NID1: variants seen among roughly 807,000 people sequenced by gnomAD.
NID1 encodes nidogen-1.
In NID1, 76 loss-of-function variants were observed where a neutral mutation model predicts 130.6. That is an observed-to-expected ratio of 0.58 (90% CI 0.48 to 0.70). The LOEUF is 0.70. Among genes scored for constraint, NID1 ranks in the 30% least tolerant of loss-of-function variants. NID1 has a pLI of 0.00. For missense variants in NID1, 1,517 were observed against 1,664.8 expected, an observed-to-expected ratio of 0.91 and a Z score of 1.54; for synonymous variants, 665 against 675.1, an observed-to-expected ratio of 0.98 and a Z score of 0.23.
intron 12 of NID1, 57 bp downstream of exon 12, chr1:236,011,864 C>T: frequency 6.2e-7 from 1 of 1,602,430 alleles, no homozygotes; most frequent in Non-Finnish European, 8.5e-7. Context: ...GGGCCATGTG[C>T]TCTGCATTCA....
intron 1 of NID1, among the ~76,000 whole-genome samples, chr1:236,059,215 G>A (rs1024383879): frequency 6.6e-6 from 1 of 152,192 alleles, no homozygotes; most frequent in Non-Finnish European, 1.5e-5. Flanking sequence ...GACACTGGGG[G>A]CAAAAGTCAT....
At chr1:236,000,606 A>G (rs1182055003) in intron 12 of NID1, among the ~76,000 whole-genome samples, 2 of 152,200 alleles carry the variant, frequency 1.3e-5, no homozygotes, top group East Asian at 1.9e-4. Context: ...TGGGCATACG[A>G]CATCAGGACC....
chr1:235,992,657 C>T (rs962043704), intron 13 of NID1, among the ~76,000 whole-genome samples: 1 of 152,210 alleles, frequency 6.6e-6, no homozygotes, highest in African/African-American at 2.4e-5. Flanking sequence ...GTCCTTTCCG[C>T]TTCTTGGGGG....
intron 17 of NID1, 57 bp downstream of exon 17, chr1:235,980,439 C>G: frequency 6.3e-7 from 1 of 1,580,786 alleles, no homozygotes; most frequent in Non-Finnish European, 8.6e-7. Flanking sequence ...CCTAGTTTGC[C>G]CACCCCTGAC....
intron 14 of NID1, among the ~76,000 whole-genome samples, chr1:235,989,408 A>G (rs756676417): frequency 6.6e-6 from 1 of 152,216 alleles, no homozygotes; most frequent in African/African-American, 2.4e-5. Flanking sequence ...GACACAGATG[A>G]TCTTCAAGGT....
intron 14 of NID1, among the ~76,000 whole-genome samples, chr1:235,985,710 A>G (rs1315147065): frequency 6.6e-6 from 1 of 151,760 alleles, no homozygotes; most frequent in African/African-American, 2.4e-5. Context: ...ATGCACATCT[A>G]TATGTATAGG....
At chr1:235,981,570 G>A (rs1657436888) in intron 16 of NID1, 41 bp downstream of exon 16, 1 of 1,573,626 alleles carries the variant, frequency 6.4e-7, no homozygotes, top group South Asian at 1.2e-5. Context: ...AAGGGCAGAT[G>A]CAAATCAAAG....
intron 5 of NID1, 21 bp downstream of exon 5, chr1:236,038,083 G>A (rs529928373): frequency 5.0e-5 from 79 of 1,584,472 alleles, no homozygotes; most frequent in Non-Finnish European, 6.6e-5. Context: ...CGCATGAAAC[G>A]AACATAGAAA....
Position 235,980,528 on chromosome 1 carries a change from G to C in NID1, c.3353C>G (p.Ala1118Gly), listed in dbSNP as rs761583470. The C allele has an allele frequency of 4.3e-6, 7 of 1,614,150 alleles. No homozygotes were observed. Among genetic ancestry groups the C allele is most frequent in the East Asian group, 2.2e-5 (1 of 44,878 alleles). ...LGLPNGLTFD[A>G]FSSQLCWVDA... ...CACCCAGCAGAGCTGAGATGAGAAC[G>C]CATCGAAGGTCAGTCCATTGGGCAA... The change falls in exon 17 of 20, where the codon GCG becomes GGG. Residue 1118 changes from alanine to glycine, a missense_variant. By Grantham distance (60) the Ala-to-Gly change is moderately conservative. Around this residue, in one of 3 missense-constraint regions of NID1, gnomAD observed 181 missense variants for 211.3 expected, o/e 0.86. Transcript: ENST00000264187.
At chr1:236,045,105 G>A (rs1039037255) in intron 3 of NID1, among the ~76,000 whole-genome samples, 2 of 150,570 alleles carry the variant, frequency 1.3e-5, no homozygotes, top group Admixed American at 6.7e-5. Context: ...AAGCTGAGGC[G>A]AGAGAATCAC....
intron 7 of NID1, among the ~76,000 whole-genome samples, chr1:236,027,778 G>C (rs937300424): frequency 6.6e-6 from 1 of 151,738 alleles, no homozygotes; most frequent in African/African-American, 2.4e-5. Flanking sequence ...GCAGTGAGCT[G>C]AGATCACACC....
chr1:236,012,574 A>G (rs199958019), intron 11 of NID1, among the ~76,000 whole-genome samples: 5 of 98,568 alleles, frequency 5.1e-5, no homozygotes, highest in East Asian at 1.9e-3. Flanking sequence ...AAAAAAAAAA[A>G]AAAAAAAGAA....
At chr1:236,009,095 T>C (rs1364177877) in intron 12 of NID1, among the ~76,000 whole-genome samples, 1 of 152,192 alleles carries the variant, frequency 6.6e-6, no homozygotes, top group Non-Finnish European at 1.5e-5. Context: ...AATGTTTATG[T>C]CCCTCCCAAA....
intron 4 of NID1, among the ~76,000 whole-genome samples, chr1:236,039,056 T>G (rs1325473005): frequency 2.2e-5 from 3 of 136,278 alleles, no homozygotes; most frequent in Non-Finnish European, 4.6e-5. Flanking sequence ...CATTATATAT[T>G]TATATATACA....
chr1:236,056,136 T>G (rs1659892795), intron 1 of NID1, among the ~76,000 whole-genome samples: 1 of 152,098 alleles, frequency 6.6e-6, no homozygotes, highest in Non-Finnish European at 1.5e-5. Context: ...TCATAGAAAT[T>G]AACTCGCAAT....
rs1468237679 is a variant in NID1, at chr1:236,003,106, T to TCCTA, written c.2527+8814_2527+8815insTAGG. ...GTAGTTGTCACTCCTAGTGAACGAC[T>TCCTA]GGTAGTTGTCACTCCTAGTGAACGA... On this transcript the variant is annotated intron_variant, in intron 12 of 19. Transcript: ENST00000264187. Among the ~76,000 whole-genome samples the TCCTA allele has an allele frequency of 1.0e-3, 153 of 149,374 alleles. 7 individuals are homozygous for TCCTA. Among genetic ancestry groups the TCCTA allele is most frequent in the African/African-American group, 1.8e-3 (72 of 40,564 alleles).
intron 1 of NID1, among the ~76,000 whole-genome samples, chr1:236,056,846 A>T (rs1659910705): frequency 6.6e-6 from 1 of 152,200 alleles, no homozygotes. Flanking sequence ...AAACTAATCA[A>T]AAGTTACAGA....
chr1:236,045,903 T>C (rs1371223436), intron 2 of NID1, among the ~76,000 whole-genome samples: 1 of 152,196 alleles, frequency 6.6e-6, no homozygotes, highest in Non-Finnish European at 1.5e-5. Flanking sequence ...TTCTGATTAA[T>C]TCATAAATAT....
chr1:236,048,326 C>T (rs1449423659), intron 2 of NID1, among the ~76,000 whole-genome samples: 2 of 151,152 alleles, frequency 1.3e-5, no homozygotes, highest in Non-Finnish European at 2.9e-5. Flanking sequence ...CAGAGCGAGA[C>T]TCCATCTCAA....
Sources: gnomAD v4.1 joint callset for allele counts (sites outside exome capture counted in the v4.1 genomes callset) on GRCh38, gnomAD v4.1.1 for gene constraint, gnomAD v4.1.1 regional missense constraint, MANE v1.5 for transcripts, NCBI Gene and HGNC (gene_info 2026-07-23, HGNC 2026-07-21) for gene names.